Variants in CDH13 observed in about 807,000 individuals in gnomAD.
The protein encoded by CDH13 is cadherin-13.
A neutral mutation model predicts 63.8 loss-of-function variants in CDH13; 24 were observed. The ratio of observed to expected loss-of-function variants is 0.38; its 90% CI spans 0.27 to 0.53. The LOEUF (loss-of-function observed/expected upper bound fraction) is 0.53, where lower values mean the gene tolerates loss of function less well. CDH13 is among the 20% of genes least tolerant of loss of function. The pLI is 0.85. For missense variants in CDH13, 1,049 were observed against 903.1 expected, an observed-to-expected ratio of 1.16 and a Z score of -2.07; for synonymous variants, 503 against 355.3, an observed-to-expected ratio of 1.42 and a Z score of -4.67.
chr16:83,020,880 C>G (rs1915282391), intron 2 of CDH13, among the ~76,000 whole-genome samples: 1 of 152,236 alleles, frequency 6.6e-6, no homozygotes, highest in Admixed American at 6.5e-5. Context: ...AGCCAGGACA[C>G]TTTGTCACAT....
intron 2 of CDH13, among the ~76,000 whole-genome samples, chr16:83,002,725 G>T (rs1913069433): frequency 6.6e-6 from 1 of 152,146 alleles, no homozygotes; most frequent in South Asian, 2.1e-4. Context: ...ACTGAGAAGG[G>T]GCGTTCAGAG....
chr16:83,479,743 T>A (rs963126418), intron 6 of CDH13, among the ~76,000 whole-genome samples: 1 of 151,972 alleles, frequency 6.6e-6, no homozygotes, highest in African/African-American at 2.4e-5. Flanking sequence ...TCAAAGGGGG[T>A]AATATTACTT....
At chr16:83,278,636 A>T (rs2089067046) in intron 5 of CDH13, among the ~76,000 whole-genome samples, 1 of 152,172 alleles carries the variant, frequency 6.6e-6, no homozygotes, top group African/African-American at 2.4e-5. Flanking sequence ...AACCATCCAG[A>T]GTTTACTCTG....
chr16:82,669,320 G>A (rs933138148), intron 1 of CDH13, among the ~76,000 whole-genome samples: 10 of 152,160 alleles, frequency 6.6e-5, no homozygotes, highest in Non-Finnish European at 1.0e-4. Flanking sequence ...GGCATTTAAC[G>A]CCCAGGAGAT....
At chr16:83,602,623 C>A (rs1454860919) in intron 8 of CDH13, 29 bp downstream of exon 8, 1 of 1,611,156 alleles carries the variant, frequency 6.2e-7, no homozygotes, top group Admixed American at 1.7e-5. Flanking sequence ...CACCAACCAC[C>A]ACTGTGGTCA....
At chr16:82,947,516 T>C (rs1904863077) in intron 2 of CDH13, among the ~76,000 whole-genome samples, 1 of 152,194 alleles carries the variant, frequency 6.6e-6, no homozygotes, top group African/African-American at 2.4e-5. Flanking sequence ...CATTTGCTTA[T>C]TGTATGTAAT....
chr16:83,443,735 AATATATATATATAT>A (rs1192288855), intron 6 of CDH13, among the ~76,000 whole-genome samples: 73 of 20,112 alleles, frequency 3.6e-3, no homozygotes, highest in African/African-American at 7.9e-3. Context: ...AAAAAAAAAA[AATATATATATATAT>A]ATATATATAT....
intron 1 of CDH13, among the ~76,000 whole-genome samples, chr16:82,674,020 C>T (rs565636732): frequency 2.0e-5 from 3 of 152,226 alleles, no homozygotes; most frequent in East Asian, 1.9e-4. Flanking sequence ...CTCTAGGGCT[C>T]GAAGAAGGGG....
intron 1 of CDH13, among the ~76,000 whole-genome samples, chr16:82,657,528 T>G (rs550258664): frequency 6.6e-6 from 1 of 152,212 alleles, no homozygotes; most frequent in Non-Finnish European, 1.5e-5. Flanking sequence ...TTATGAATTA[T>G]TTTTGGAATT....
chr16:83,779,437 A>AAAAAC (rs1915360721), intron 11 of CDH13, among the ~76,000 whole-genome samples: 1 of 147,082 alleles, frequency 6.8e-6, no homozygotes, highest in African/African-American at 2.5e-5. Flanking sequence ...AAAAAAAAAA[A>AAAAAC]AGTCTTATAT....
chr16:83,119,390 T>G (rs1397965570), intron 3 of CDH13, among the ~76,000 whole-genome samples: 1 of 152,172 alleles, frequency 6.6e-6, no homozygotes, highest in Non-Finnish European at 1.5e-5. Flanking sequence ...CCTAGAAATC[T>G]CTGCTTCACG....
At chr16:82,724,273 GTCCATCCATCTA>G (rs1219385572) in intron 1 of CDH13, among the ~76,000 whole-genome samples, 1 of 151,494 alleles carries the variant, frequency 6.6e-6, no homozygotes, top group Non-Finnish European at 1.5e-5. Flanking sequence ...GCATCCTTCC[GTCCATCCATCTA>G]TCCATCCATC....
intron 6 of CDH13, among the ~76,000 whole-genome samples, chr16:83,460,099 A>C (rs1180880085): frequency 6.6e-6 from 1 of 152,234 alleles, no homozygotes; most frequent in Non-Finnish European, 1.5e-5. Flanking sequence ...AAGAGATAAA[A>C]ACAGTCATTT....
At position 83,783,327 on chromosome 16, in the gene CDH13, T is replaced by C. The variant is rs762034342; in HGVS notation, c.1989T>C (p.Asp663=). 6.2e-7 allele frequency: 1 copy of C among 1,613,960 alleles called. No homozygotes were observed. The highest frequency in any genetic ancestry group is 1.3e-5 in the African/African-American group (1 of 75,020). ...ANYNLPIMVT[D]SGKPPMTNIT... The stretch of plus-strand genomic sequence containing the variant: ...ACAACCTGCCCATCATGGTGACAGA[T>C]TCAGGGAAACCACCCATGACGAATA... Residue 663 remains aspartate, a synonymous_variant, in exon 13 of 14, where the codon GAT becomes GAC. Coordinates refer to ENST00000567109, the MANE Select transcript of CDH13 (RefSeq NM_001257.5).
rs920191160 is a variant in CDH13 at position 82,770,209 on chromosome 16, G to C, written c.46-88153G>C. 3.5e-4 allele frequency among the ~76,000 whole-genome samples: 53 copies of C among 152,206 alleles called. 1 individual carries two copies. The highest frequency in any genetic ancestry group is 1.2e-3 in the African/African-American group (51 of 41,456). ...TGGAAAGTATTAGAGAATAGTGTTC[G>C]AATAGTAATGTTTTCCCTTGCTTTC... On this transcript the variant is annotated intron_variant, in intron 1 of 13. Transcript: ENST00000567109.
intron 1 of CDH13, among the ~76,000 whole-genome samples, chr16:82,814,708 G>C (rs1467725931): frequency 1.3e-5 from 2 of 152,138 alleles, no homozygotes; most frequent in Non-Finnish European, 2.9e-5. Flanking sequence ...GAGCACTTCT[G>C]TGAGTCACTG....
chr16:82,734,501 A>G (rs1165717579), intron 1 of CDH13, among the ~76,000 whole-genome samples: 1 of 152,164 alleles, frequency 6.6e-6, no homozygotes, highest in Admixed American at 6.6e-5. Context: ...CGTGGGGGCC[A>G]CTGTAGGGGA....
At position 82,924,424 on chromosome 16, in the gene CDH13, C is replaced by T. The variant is rs9929103; in HGVS notation, c.157+65951C>T. ...TAGTAATACAGTAATGTCAGGAGGA[C>T]AATATCAAAACAAATATTTATTTAC... On this transcript the variant is annotated intron_variant, in intron 2 of 13. Transcript: ENST00000567109. Among the ~76,000 whole-genome samples, 1,270 of 152,192 alleles carry T rather than the reference C, an allele frequency of 8.3e-3. 11 individuals are homozygous for T. Among genetic ancestry groups the T allele is most frequent in the African/African-American group, 0.029 (1,209 of 41,538 alleles).
intron 4 of CDH13, among the ~76,000 whole-genome samples, chr16:83,216,547 G>T (rs1421654557): frequency 1.5e-5 from 2 of 135,114 alleles, no homozygotes; most frequent in Non-Finnish European, 3.2e-5. Flanking sequence ...ATATATAATG[G>T]GGTTTAATAT....
Sources: gnomAD v4.1 joint callset for allele counts (sites outside exome capture counted in the v4.1 genomes callset) on GRCh38, gnomAD v4.1.1 for gene constraint, MANE v1.5 for transcripts, NCBI Gene and HGNC (gene_info 2026-07-23, HGNC 2026-07-21) for gene names.